HS3ST5: variants seen among roughly 807,000 people sequenced by gnomAD.
HS3ST5 encodes heparan sulfate-glucosamine 3-sulfotransferase 5, also known as heparan sulfate glucosamine 3-O-sulfotransferase 5.
A neutral mutation model predicts 25.4 loss-of-function variants in HS3ST5; 10 were observed. The ratio of observed to expected loss-of-function variants is 0.39; its 90% CI spans 0.24 to 0.67. The LOEUF (loss-of-function observed/expected upper bound fraction) is 0.67. Among genes scored for constraint, HS3ST5 ranks in the 30% least tolerant of loss-of-function variants. HS3ST5 has a pLI of 0.44. For missense variants in HS3ST5, 324 were observed against 420.7 expected (o/e 0.77, Z 2.01); for synonymous variants, 170 against 162.4 (o/e 1.05, Z -0.36).
chr6:114,093,750 C>T (rs927957221), intron 3 of HS3ST5, among the ~76,000 whole-genome samples: 9 of 151,888 alleles, frequency 5.9e-5, no homozygotes, highest in South Asian at 2.1e-4. Context: ...ACAAAAAAAA[C>T]GAAAACAAGC....
chr6:114,319,616 T>G (rs1775882133), intron 1 of HS3ST5, among the ~76,000 whole-genome samples: 2 of 152,136 alleles, frequency 1.3e-5, no homozygotes, highest in African/African-American at 4.8e-5. Context: ...AGTATAAATA[T>G]CTTGCTTTTA....
At chr6:114,224,188 T>C (rs1782174698) in intron 2 of HS3ST5, among the ~76,000 whole-genome samples, 1 of 151,680 alleles carries the variant, frequency 6.6e-6, no homozygotes, top group Admixed American at 6.6e-5. Context: ...TTAGCTTCTA[T>C]TGGTTGTATA....
chr6:114,317,131 C>A (rs371223797), intron 1 of HS3ST5, among the ~76,000 whole-genome samples: 22 of 152,260 alleles, frequency 1.4e-4, no homozygotes, highest in African/African-American at 4.8e-4. Context: ...AATTTAATTT[C>A]CCTGATTCCT....
intron 3 of HS3ST5, among the ~76,000 whole-genome samples, chr6:114,085,542 A>C (rs992006048): frequency 6.6e-6 from 1 of 152,208 alleles, no homozygotes; most frequent in Admixed American, 6.5e-5. Context: ...TACTGTTTTT[A>C]TGAATGCCTC....
chr6:114,149,955 T>G (rs1339112579), intron 3 of HS3ST5, among the ~76,000 whole-genome samples: 3 of 152,166 alleles, frequency 2.0e-5, no homozygotes, highest in African/African-American at 7.2e-5. Flanking sequence ...TAAAAGAGTT[T>G]CCCTTTGTTG....
chr6:114,235,788 C>G (rs1052572818), intron 1 of HS3ST5: 2 of 152,206 alleles, frequency 1.3e-5, no homozygotes, highest in African/African-American at 4.8e-5. Flanking sequence ...GCAGAAGTCA[C>G]TTATTCAGAT....
chr6:114,215,661 C>T (rs1348701031), intron 2 of HS3ST5, among the ~76,000 whole-genome samples: 2 of 152,082 alleles, frequency 1.3e-5, no homozygotes, highest in Admixed American at 1.3e-4. Context: ...TCCTTTCCCA[C>T]AGGCCCCTGC....
At chr6:114,148,047 C>T (rs970622570) in intron 3 of HS3ST5, among the ~76,000 whole-genome samples, 1 of 152,050 alleles carries the variant, frequency 6.6e-6, no homozygotes. Flanking sequence ...TTTCTAGGTA[C>T]CATAAGATCA....
chr6:114,072,085 T>C (rs1773857440), intron 3 of HS3ST5, among the ~76,000 whole-genome samples: 1 of 152,182 alleles, frequency 6.6e-6, no homozygotes. Flanking sequence ...ATTGCACCAC[T>C]CTGCCTCCCT....
intron 2 of HS3ST5, among the ~76,000 whole-genome samples, chr6:114,202,617 A>G (rs1223804210): frequency 1.3e-5 from 2 of 152,188 alleles, no homozygotes; most frequent in Non-Finnish European, 2.9e-5. Flanking sequence ...CAGGTAAATG[A>G]GCAAAGTCAC....
intron 1 of HS3ST5, among the ~76,000 whole-genome samples, chr6:114,289,413 A>G (rs1204065374): frequency 1.3e-5 from 2 of 152,158 alleles, no homozygotes; most frequent in African/African-American, 4.8e-5. Context: ...TTTTAAAAAA[A>G]TTCAAGACAT....
intron 2 of HS3ST5, among the ~76,000 whole-genome samples, chr6:114,169,037 G>A (rs1285661388): frequency 6.6e-6 from 1 of 151,798 alleles, no homozygotes; most frequent in African/African-American, 2.4e-5. Context: ...TGTATTAGTG[G>A]GATGAAAAAA....
rs534639095 is a variant in HS3ST5 at position 114,166,584 on chromosome 6, A to T, written c.-33+1767T>A. Among the ~76,000 whole-genome samples the T allele has an allele frequency of 2.6e-5, 4 of 152,326 alleles. No homozygotes were observed. The South Asian group carries it at 8.3e-4, about 32-fold the overall frequency. ...AAATGTTATTTTTTTATAGATAATG[A>T]TACTGTATCCAACCTGCACTATTAC... On this transcript the variant is annotated intron_variant, in intron 3 of 4. Coordinates refer to ENST00000312719, the MANE Select transcript of HS3ST5 (RefSeq NM_153612.4).
chr6:114,218,959 T>C (rs1223201469), intron 2 of HS3ST5, among the ~76,000 whole-genome samples: 1 of 152,244 alleles, frequency 6.6e-6, no homozygotes, highest in Non-Finnish European at 1.5e-5. Flanking sequence ...CTTGTGCCTC[T>C]GTACTTTACT....
intron 1 of HS3ST5, among the ~76,000 whole-genome samples, chr6:114,336,622 T>A (rs974570610): frequency 1.3e-5 from 2 of 151,944 alleles, no homozygotes; most frequent in African/African-American, 4.8e-5. Context: ...ATAATAATAA[T>A]AATAATTAAT....
chr6:114,301,845 A>G (rs1378772286), intron 1 of HS3ST5, among the ~76,000 whole-genome samples: 1 of 152,072 alleles, frequency 6.6e-6, no homozygotes, highest in African/African-American at 2.4e-5. Context: ...CATCATCACC[A>G]CTTAAGTGTG....
intron 1 of HS3ST5, among the ~76,000 whole-genome samples, chr6:114,240,087 T>C (rs532203814): frequency 1.3e-5 from 2 of 152,074 alleles, no homozygotes; most frequent in Non-Finnish European, 2.9e-5. Flanking sequence ...TAAATGACTT[T>C]AACTACTATT....
intron 2 of HS3ST5, among the ~76,000 whole-genome samples, chr6:114,221,774 G>A (rs1445560048): frequency 1.3e-5 from 2 of 151,530 alleles, no homozygotes; most frequent in Non-Finnish European, 3.0e-5. Context: ...ACTCTTAGCT[G>A]ATGTTTGCAT....
intron 1 of HS3ST5, among the ~76,000 whole-genome samples, chr6:114,294,196 A>C (rs1328307447): frequency 6.6e-6 from 1 of 152,184 alleles, no homozygotes; most frequent in Non-Finnish European, 1.5e-5. Context: ...GCCATTGGGA[A>C]AAGAGAGCTG....
Sources: allele counts gnomAD v4.1 joint callset (sites outside exome capture counted in the v4.1 genomes callset), GRCh38; gene constraint gnomAD v4.1.1; transcripts MANE v1.5; gene names NCBI Gene and HGNC (gene_info 2026-07-23, HGNC 2026-07-21).